TTC28: variants seen among roughly 807,000 people sequenced by gnomAD.
TTC28 encodes the protein tetratricopeptide repeat protein 28.
A neutral mutation model predicts 198.0 loss-of-function variants in TTC28; 61 were observed. That is an observed-to-expected ratio of 0.31 (90% CI 0.25 to 0.38). The LOEUF is 0.38. Among genes scored for constraint, TTC28 ranks in the 10% least tolerant of loss-of-function variants. The pLI is 1.00. For missense variants in TTC28, 2,678 were observed against 3,164.0 expected (o/e 0.85, Z 3.69); for synonymous variants, 1,171 against 1,297.8 (o/e 0.90, Z 2.10).
chr22:28,418,813 C>G (rs571089532), intron 2 of TTC28, among the ~76,000 whole-genome samples: 1 of 152,156 alleles, frequency 6.6e-6, no homozygotes, highest in Non-Finnish European at 1.5e-5. Context: ...GATCAAATAA[C>G]TAAACATAGA....
intron 2 of TTC28, among the ~76,000 whole-genome samples, chr22:28,573,537 T>C (rs762182746): frequency 5.3e-5 from 8 of 152,042 alleles, no homozygotes; most frequent in South Asian, 2.1e-4. Context: ...ATGTGAGACT[T>C]GTGAACAGTA....
At chr22:28,288,652 CA>C (rs532890396) in intron 5 of TTC28, among the ~76,000 whole-genome samples, 186 of 139,334 alleles carry the variant, frequency 1.3e-3, no homozygotes, top group Middle Eastern at 3.8e-3. Flanking sequence ...CTAAAAAATA[CA>C]AAAAAAAAAA....
intron 1 of TTC28, among the ~76,000 whole-genome samples, chr22:28,634,321 C>G (rs1360780485): frequency 2.6e-5 from 4 of 151,910 alleles, no homozygotes; most frequent in African/African-American, 9.7e-5. Context: ...ACCATTCTGG[C>G]CAACATGATA....
At chr22:28,646,296 C>T (rs2051465925) in intron 1 of TTC28, among the ~76,000 whole-genome samples, 1 of 152,266 alleles carries the variant, frequency 6.6e-6, no homozygotes, top group African/African-American at 2.4e-5. Flanking sequence ...AAACTCAGTC[C>T]TTTTTACAGT....
At chr22:28,620,082 T>C (rs1329891483) in intron 2 of TTC28, among the ~76,000 whole-genome samples, 1 of 152,188 alleles carries the variant, frequency 6.6e-6, no homozygotes, top group Admixed American at 6.5e-5. Flanking sequence ...CCGGGCACAG[T>C]GGCTCACGCC....
chr22:28,484,646 C>G (rs2048295355), intron 2 of TTC28, among the ~76,000 whole-genome samples: 1 of 152,150 alleles, frequency 6.6e-6, no homozygotes, highest in Admixed American at 6.5e-5. Context: ...CCAAAGATCT[C>G]TCCCATGGAC....
At position 28,096,301 on chromosome 22, in the gene TTC28, G is replaced by C; in HGVS notation, c.3655C>G (p.Pro1219Ala). Residue 1219 changes from proline (P) to alanine (A), a missense_variant, in exon 11 of 23, where the codon CCA becomes GCA. Physicochemically the swap from Pro to Ala is conservative, Grantham distance 27 (BLOSUM62 -1). Coordinates refer to ENST00000397906, the MANE Select transcript of TTC28 (RefSeq NM_001145418.2). ...TGQQDSDPYSPVTIDQILEMV... is the reference protein window; with the variant it reads ...TGQQDSDPYSAVTIDQILEMV... ...TCTAAGATCTGATCAATAGTGACTG[G>C]GGAGTAGGGGTCGGAGTCTTGTTGT... 2.6e-6 allele frequency: 4 copies of C among 1,551,972 alleles called. No individual in the cohort carries two copies. Among genetic ancestry groups the C allele is most frequent in the African/African-American group, 2.7e-5 (2 of 73,164 alleles).
chr22:28,233,909 G>GT (rs529892559), intron 5 of TTC28, among the ~76,000 whole-genome samples: 12,235 of 131,942 alleles, frequency 0.093, 617 homozygotes, highest in African/African-American at 0.11. Context: ...TAGCAAATTA[G>GT]TTTTTTTTTT....
At chr22:28,607,811 T>C (rs1390737181) in intron 2 of TTC28, among the ~76,000 whole-genome samples, 1 of 152,224 alleles carries the variant, frequency 6.6e-6, no homozygotes, top group African/African-American at 2.4e-5. Flanking sequence ...TTACAAAGCA[T>C]ATCCCAAATC....
In TTC28 at chr22:28,005,691, CAA is replaced by C. The variant is rs1937905099; in HGVS notation, c.4219-4140_4219-4139del. The stretch of plus-strand genomic sequence containing the variant: ...CCTGGTGATAATCTTCCCTCACTCC[CAA>C]GGCCTCCTGCCTCTGCAGGTCCCTG... On this transcript the variant is annotated intron_variant, in intron 14 of 22. Transcript: ENST00000397906. This position sits in a 1 kb window ranked among gnomAD's most constrained non-coding sequence, Gnocchi z 4.9. 6.6e-6 allele frequency among the ~76,000 whole-genome samples: 1 copy of C among 152,176 alleles called. No homozygotes were observed. The highest frequency in any genetic ancestry group is 6.5e-5 in the Admixed American group (1 of 15,284).
chr22:28,342,737 T>C (rs1004243480), intron 2 of TTC28, among the ~76,000 whole-genome samples: 1 of 151,932 alleles, frequency 6.6e-6, no homozygotes, highest in African/African-American at 2.4e-5. Context: ...TGAAATATCA[T>C]AATTCTACCA....
chr22:28,150,022 C>T (rs1943570705), intron 6 of TTC28, among the ~76,000 whole-genome samples: 1 of 151,866 alleles, frequency 6.6e-6, no homozygotes, highest in African/African-American at 2.4e-5. Context: ...TATACTTTGT[C>T]AATTAAAAGT....
Position 28,025,851 on chromosome 22 carries a change from CAG to C in TTC28, c.4073+4373_4073+4374del, listed in dbSNP as rs537533476. 3.0e-4 allele frequency among the ~76,000 whole-genome samples: 45 copies of C among 152,300 alleles called. 2 individuals carry two copies. The South Asian group carries it at 9.1e-3, about 31-fold the overall frequency. ...CACCACTATAACCCAGCCTGGGTGA[CAG>C]AGTGTGACTCTGTCTCTAAACAAAA... On this transcript the variant is annotated intron_variant, in intron 13 of 22. Transcript: ENST00000397906.
chr22:28,507,527 G>A (rs1009699556), intron 2 of TTC28, among the ~76,000 whole-genome samples: 3 of 152,052 alleles, frequency 2.0e-5, no homozygotes, highest in South Asian at 2.1e-4. Flanking sequence ...TAGCAAGACA[G>A]GCCAACATTC....
At chr22:28,002,701 G>GTT (rs2146553298) in intron 14 of TTC28, 1 of 152,144 alleles carries the variant, frequency 6.6e-6, no homozygotes, top group East Asian at 1.9e-4. Context: ...TTTGTTTGCT[G>GTT]TAAGAGCTAC....
At chr22:28,224,058 G>C (rs1456994308) in intron 5 of TTC28, among the ~76,000 whole-genome samples, 1 of 152,160 alleles carries the variant, frequency 6.6e-6, no homozygotes. Flanking sequence ...TAGTTGTCAC[G>C]ACTTGTGGTA....
chr22:28,336,195 G>T (rs995636149), intron 2 of TTC28, among the ~76,000 whole-genome samples: 1 of 152,218 alleles, frequency 6.6e-6, no homozygotes, highest in Admixed American at 6.5e-5. Context: ...AAGCCTGCTT[G>T]ATCGTGGTGT....
chr22:27,985,951 G>A (rs1937199235), intron 21 of TTC28: 1 of 154,136 alleles, frequency 6.5e-6, no homozygotes, highest in Non-Finnish European at 1.5e-5. Flanking sequence ...CTCAGAGCAG[G>A]TGTAACACAG....
intron 2 of TTC28, among the ~76,000 whole-genome samples, chr22:28,374,980 C>T (rs928650643): frequency 4.0e-5 from 6 of 151,668 alleles, no homozygotes; most frequent in African/African-American, 1.5e-4. Flanking sequence ...CTAAGCAACT[C>T]GGCAGGCTGA....
Sources: gnomAD v4.1 joint callset for allele counts (sites outside exome capture counted in the v4.1 genomes callset) on GRCh38, gnomAD v4.1.1 for gene constraint, Gnocchi (gnomAD v3.1) non-coding constraint, MANE v1.5 for transcripts, NCBI Gene and HGNC (gene_info 2026-07-23, HGNC 2026-07-21) for gene names.